The following AGBL1 variants were observed in gnomAD, a reference collection of about 807,000 sequenced individuals.
AGBL1 encodes AGBL carboxypeptidase 1, also known as cytosolic carboxypeptidase 4.
Under a neutral mutation model 118.9 loss-of-function variants are expected in AGBL1, and 130 were observed. That is an observed-to-expected ratio of 1.09 (90% CI 0.95 to 1.26). AGBL1 has a LOEUF of 1.26. Among genes scored for constraint, AGBL1 ranks in the 50% most tolerant of loss-of-function variants. The pLI is 0.00. For synonymous variants in AGBL1, 555 were observed against 478.9 expected (o/e 1.16, Z -2.08); for missense variants, 1,584 against 1,298.1 (o/e 1.22, Z -3.38).
At chr15:86,916,928 C>T (rs1228543770), downstream of AGBL1, among the ~76,000 whole-genome samples, 1 of 151,998 alleles carries the variant, frequency 6.6e-6, no homozygotes, top group Non-Finnish European at 1.5e-5. Context: ...CTGCCAATGC[C>T]CAGCAGAATA....
At chr15:86,199,371 T>C (rs2077867976) in intron 5 of AGBL1, among the ~76,000 whole-genome samples, 1 of 152,216 alleles carries the variant, frequency 6.6e-6, no homozygotes, top group South Asian at 2.1e-4. Context: ...AACTTCAGGT[T>C]GTCTGTGTCT....
intron 21 of AGBL1, among the ~76,000 whole-genome samples, chr15:86,656,631 C>T (rs989539872): frequency 1.3e-5 from 2 of 152,136 alleles, no homozygotes; most frequent in African/African-American, 2.4e-5. Flanking sequence ...AATTTGACCA[C>T]TGATGTTAAT....
intron 22 of AGBL1, among the ~76,000 whole-genome samples, chr15:86,818,318 G>A (rs553065268): frequency 2.6e-5 from 4 of 152,294 alleles, no homozygotes; most frequent in African/African-American, 9.6e-5. Flanking sequence ...TGAGCAGTGG[G>A]CCAGTGAGCA....
At chr15:86,842,143 T>C (rs2079254704) in intron 22 of AGBL1, among the ~76,000 whole-genome samples, 1 of 152,020 alleles carries the variant, frequency 6.6e-6, no homozygotes, top group Non-Finnish European at 1.5e-5. Context: ...TTTGCTTTGC[T>C]AGTTCTCATT....
At chr15:86,335,848 T>G (rs1567205017) in intron 17 of AGBL1, among the ~76,000 whole-genome samples, 1 of 152,222 alleles carries the variant, frequency 6.6e-6, no homozygotes, top group Non-Finnish European at 1.5e-5. Flanking sequence ...ACTCTACTCC[T>G]GGTTTGTCAC....
At chr15:86,790,431 C>A (rs1314349333) in intron 22 of AGBL1, among the ~76,000 whole-genome samples, 2 of 151,990 alleles carry the variant, frequency 1.3e-5, no homozygotes, top group Non-Finnish European at 2.9e-5. Flanking sequence ...CTTTCTCTCC[C>A]CACTCTCACA....
At chr15:86,140,687 C>T (rs570343573) in intron 1 of AGBL1, among the ~76,000 whole-genome samples, 1 of 152,022 alleles carries the variant, frequency 6.6e-6, no homozygotes, top group Non-Finnish European at 1.5e-5. Flanking sequence ...GATGGGATCT[C>T]GTGGAGCTGG....
At chr15:86,155,412 T>G (rs947430957) in intron 4 of AGBL1, among the ~76,000 whole-genome samples, 2 of 152,200 alleles carry the variant, frequency 1.3e-5, no homozygotes, top group African/African-American at 4.8e-5. Flanking sequence ...ATTGTGACCC[T>G]GCACTCCAGC....
At chr15:86,632,253 G>C (rs549532869) in intron 21 of AGBL1, among the ~76,000 whole-genome samples, 1 of 137,084 alleles carries the variant, frequency 7.3e-6, no homozygotes, top group South Asian at 2.4e-4. Context: ...GGGTGGCAGC[G>C]CAAGACCCTG....
At chr15:86,286,909 C>T (rs917255334) in intron 16 of AGBL1, among the ~76,000 whole-genome samples, 2 of 151,812 alleles carry the variant, frequency 1.3e-5, no homozygotes, top group South Asian at 2.1e-4. Context: ...TATGGTAATT[C>T]TATTTTTAAT....
At chr15:86,725,504 A>G (rs1159424409) in intron 22 of AGBL1, among the ~76,000 whole-genome samples, 1 of 152,220 alleles carries the variant, frequency 6.6e-6, no homozygotes, top group Non-Finnish European at 1.5e-5. Context: ...CTTAGCTGAA[A>G]AGTTGTGGCT....
intron 22 of AGBL1, among the ~76,000 whole-genome samples, chr15:86,856,615 C>G (rs2347250): frequency 0.19 from 28,749 of 152,228 alleles, 3,001 homozygotes; most frequent in Admixed American, 0.26. Flanking sequence ...CACTCTGCAG[C>G]AGGCACTGTG....
Position 86,817,060 on chromosome 15 carries a change from G to A in AGBL1, c.3159-90027G>A, listed in dbSNP as rs138925289. 2.1e-3 allele frequency among the ~76,000 whole-genome samples: 325 copies of A among 152,094 alleles called. 2 individuals carry two copies. Among genetic ancestry groups the A allele is most frequent in the Non-Finnish European group, 3.9e-3 (262 of 68,004 alleles). On this transcript the variant is annotated intron_variant, in intron 22 of 22. Coordinates refer to ENST00000614907, the MANE Select transcript of AGBL1 (RefSeq NM_001386094.1). ...ATGGCGCTTTGGGAAGCTGAGGTGGGTAGATCACCTGAGGTCAGGAGTTCG... is the reference window on the plus strand; with the variant it reads ...ATGGCGCTTTGGGAAGCTGAGGTGGATAGATCACCTGAGGTCAGGAGTTCG...
intron 18 of AGBL1, among the ~76,000 whole-genome samples, chr15:86,437,584 C>T (rs1370633160): frequency 6.6e-6 from 1 of 152,204 alleles, no homozygotes; most frequent in African/African-American, 2.4e-5. Flanking sequence ...GCCACCTAGT[C>T]TGTCACAAGC....
At chr15:86,596,369 G>T (rs77301657) in intron 21 of AGBL1, among the ~76,000 whole-genome samples, 3,382 of 152,214 alleles carry the variant, frequency 0.022, 59 homozygotes, top group East Asian at 0.047. Flanking sequence ...CTCACTGGGG[G>T]TTGGATCTCC....
chr15:86,410,707 C>T (rs965127679), intron 18 of AGBL1, among the ~76,000 whole-genome samples: 2 of 145,440 alleles, frequency 1.4e-5, no homozygotes, highest in Non-Finnish European at 3.0e-5. Flanking sequence ...AATCTTTTTC[C>T]TGCTTTTCAT....
chr15:86,764,466 G>A (rs2141277071), intron 22 of AGBL1, among the ~76,000 whole-genome samples: 1 of 152,124 alleles, frequency 6.6e-6, no homozygotes, highest in East Asian at 1.9e-4. Context: ...GGATGGAAGT[G>A]TGTTTATGTA....
chr15:86,142,714 T>A (rs1351469601), intron 2 of AGBL1, among the ~76,000 whole-genome samples: 2 of 152,052 alleles, frequency 1.3e-5, no homozygotes, highest in African/African-American at 4.8e-5. Context: ...TGTATTGGGG[T>A]CTTTCCATGG....
At chr15:86,708,991 T>A (rs1447953178) in intron 22 of AGBL1, among the ~76,000 whole-genome samples, 1 of 152,150 alleles carries the variant, frequency 6.6e-6, no homozygotes, top group Non-Finnish European at 1.5e-5. Flanking sequence ...TTTTAAGGTG[T>A]GTTCAAAATC....
Sources: allele counts gnomAD v4.1 joint callset (sites outside exome capture counted in the v4.1 genomes callset), GRCh38; gene constraint gnomAD v4.1.1; transcripts MANE v1.5; gene names NCBI Gene and HGNC (gene_info 2026-07-23, HGNC 2026-07-21).